RSPO3: variants seen among roughly 807,000 people sequenced by gnomAD.
The protein encoded by RSPO3 is R-spondin-3.
RSPO3 carries 17 observed loss-of-function variants against 36.5 expected under a neutral mutation model. The observed-to-expected ratio is 0.47, with a 90% confidence interval of 0.32 to 0.70. RSPO3 has a LOEUF of 0.70. Ranked by LOEUF, RSPO3 falls within the 30% of genes least tolerant of loss-of-function variation. RSPO3 has a pLI of 0.04. For synonymous variants in RSPO3, 108 were observed against 107.0 expected, an observed-to-expected ratio of 1.01 and a Z score of -0.06; for missense variants, 294 against 322.5, an observed-to-expected ratio of 0.91 and a Z score of 0.68.
At chr6:127,120,834 T>C (rs892442555) in intron 1 of RSPO3, among the ~76,000 whole-genome samples, 27 of 152,244 alleles carry the variant, frequency 1.8e-4, no homozygotes, top group Non-Finnish European at 3.1e-4. Flanking sequence ...ATCCGATTTA[T>C]TATTCTTGGC....
At chr6:127,167,917 A>G (rs370564111) in intron 4 of RSPO3, among the ~76,000 whole-genome samples, 1 of 151,914 alleles carries the variant, frequency 6.6e-6, no homozygotes, top group South Asian at 2.1e-4. Flanking sequence ...AGCTTCATCC[A>G]TGTCCCTACA....
intron 4 of RSPO3, among the ~76,000 whole-genome samples, chr6:127,193,432 A>G (rs947039101): frequency 3.9e-5 from 6 of 152,354 alleles, no homozygotes; most frequent in Non-Finnish European, 1.5e-5. Context: ...ACCGTCATCA[A>G]GAGAACAATG....
intron 4 of RSPO3, among the ~76,000 whole-genome samples, chr6:127,167,891 G>A (rs553682211): frequency 2.6e-5 from 4 of 152,032 alleles, no homozygotes; most frequent in Admixed American, 2.6e-4. Flanking sequence ...ATAGTTTGCT[G>A]AGAATGATGG....
chr6:127,185,919 G>A (rs1329327527), intron 4 of RSPO3, among the ~76,000 whole-genome samples: 1 of 152,144 alleles, frequency 6.6e-6, no homozygotes, highest in Non-Finnish European at 1.5e-5. Flanking sequence ...AATGAGTATA[G>A]CAGTGCCAAA....
intron 1 of RSPO3, among the ~76,000 whole-genome samples, chr6:127,130,203 A>G (rs1774023552): frequency 6.6e-6 from 1 of 152,162 alleles, no homozygotes; most frequent in African/African-American, 2.4e-5. Flanking sequence ...TTCTTGCTCA[A>G]TACCCAAAGT....
At chr6:127,145,862 CA>C (rs1056425763) in intron 1 of RSPO3, among the ~76,000 whole-genome samples, 1 of 152,146 alleles carries the variant, frequency 6.6e-6, no homozygotes, top group Non-Finnish European at 1.5e-5. Flanking sequence ...CTCAGAATCA[CA>C]AGATTTTATG....
chr6:127,130,678 A>T (rs1196934766), intron 1 of RSPO3, among the ~76,000 whole-genome samples: 1 of 151,968 alleles, frequency 6.6e-6, no homozygotes, highest in Non-Finnish European at 1.5e-5. Flanking sequence ...ACTTAGCAAA[A>T]TTTTTTGCTG....
At chr6:127,120,346 G>T (rs1773817492) in intron 1 of RSPO3, among the ~76,000 whole-genome samples, 1 of 152,166 alleles carries the variant, frequency 6.6e-6, no homozygotes, top group Non-Finnish European at 1.5e-5. Flanking sequence ...GAGCAGGGGC[G>T]ACCCTGGCTC....
At chr6:127,138,343 G>A (rs975219181) in intron 1 of RSPO3, among the ~76,000 whole-genome samples, 20 of 151,938 alleles carry the variant, frequency 1.3e-4, no homozygotes, top group African/African-American at 3.6e-4. Flanking sequence ...TTCTTGACCC[G>A]GATGTCTGTG....
chr6:127,128,781 A>G (rs541229219), intron 1 of RSPO3, among the ~76,000 whole-genome samples: 7 of 152,262 alleles, frequency 4.6e-5, no homozygotes, highest in East Asian at 1.9e-4. Flanking sequence ...AGTCAAAAGA[A>G]CAGAGCAAAA....
Position 127,169,874 on chromosome 6 carries a change from G to T in RSPO3, c.634+14436G>T, listed in dbSNP as rs1276740958. 5.3e-5 allele frequency among the ~76,000 whole-genome samples: 8 copies of T among 151,294 alleles called. No homozygotes were observed. The East Asian group carries it at 1.6e-3, about 30-fold the overall frequency. ...TTTTGTTTTTTTTAATCACTTCTTAGGGTCTTATTTTTAAGCAGCAAGGGG... is the reference window on the plus strand; with the variant it reads ...TTTTGTTTTTTTTAATCACTTCTTATGGTCTTATTTTTAAGCAGCAAGGGG... On this transcript the variant is annotated intron_variant, in intron 4 of 4. Transcript: ENST00000356698.
At chr6:127,174,614 T>C (rs1026320226) in intron 4 of RSPO3, among the ~76,000 whole-genome samples, 1 of 139,284 alleles carries the variant, frequency 7.2e-6, no homozygotes, top group Non-Finnish European at 1.6e-5. Flanking sequence ...TGCCACCATA[T>C]TCTCTAGAGC....
At chr6:127,172,584 A>G (rs924620906) in intron 4 of RSPO3, among the ~76,000 whole-genome samples, 2 of 151,814 alleles carry the variant, frequency 1.3e-5, no homozygotes, top group African/African-American at 4.8e-5. Context: ...AAAAGCCAAA[A>G]GACAGAAACA....
rs1352781211 is a variant in RSPO3 at position 127,196,966 on chromosome 6, A to C, written c.*959A>C. 1 of 153,656 alleles carries C rather than the reference A, an allele frequency of 6.5e-6. No individual in the cohort carries two copies. Among genetic ancestry groups the C allele is most frequent in the African/African-American group, 2.4e-5 (1 of 41,446 alleles). The allele number at this position is 153,656 out of a possible 1,614,324, so 9.5% of individuals were successfully genotyped here. ...TGGTCCACCTGGAACTAAAAGGGAT[A>C]CTATTTTCTAACAAGGTATATCTAG... On this transcript the variant is annotated 3_prime_UTR_variant, in exon 5 of 5. Transcript: ENST00000356698.
intron 3 of RSPO3, among the ~76,000 whole-genome samples, chr6:127,152,828 C>T (rs138242746): frequency 6.6e-6 from 1 of 152,222 alleles, no homozygotes; most frequent in East Asian, 1.9e-4. Context: ...ATATTTGCTT[C>T]CTTTCTGCAC....
intron 1 of RSPO3, among the ~76,000 whole-genome samples, chr6:127,120,148 T>C (rs1044760325): frequency 6.6e-6 from 1 of 152,172 alleles, no homozygotes; most frequent in Non-Finnish European, 1.5e-5. Flanking sequence ...CTTAAGACGG[T>C]GTCCTAGCTG....
chr6:127,132,339 A>T (rs1415271915), intron 1 of RSPO3, among the ~76,000 whole-genome samples: 2 of 152,200 alleles, frequency 1.3e-5, no homozygotes, highest in Non-Finnish European at 2.9e-5. Context: ...AGGAAAAAGA[A>T]TCAAGAGAGG....
At chr6:127,136,119 A>C (rs1437145169) in intron 1 of RSPO3, among the ~76,000 whole-genome samples, 1 of 152,170 alleles carries the variant, frequency 6.6e-6, no homozygotes, top group Non-Finnish European at 1.5e-5. Flanking sequence ...TCCTGTAGCC[A>C]TTCTGTAATA....
At chr6:127,132,090 A>G (rs1240496776) in intron 1 of RSPO3, among the ~76,000 whole-genome samples, 1 of 152,158 alleles carries the variant, frequency 6.6e-6, no homozygotes, top group Non-Finnish European at 1.5e-5. Flanking sequence ...TTGTGTAACC[A>G]GGAATCTCCC....
Sources: gnomAD v4.1 joint callset for allele counts (sites outside exome capture counted in the v4.1 genomes callset) on GRCh38, gnomAD v4.1.1 for gene constraint, MANE v1.5 for transcripts, NCBI Gene and HGNC (gene_info 2026-07-23, HGNC 2026-07-21) for gene names.